PPP4R4: variants seen among roughly 807,000 people sequenced by gnomAD.
PPP4R4 encodes protein phosphatase 4 regulatory subunit 4.
PPP4R4 carries 70 observed loss-of-function variants against 121.8 expected under a neutral mutation model. The ratio of observed to expected loss-of-function variants is 0.57; its 90% CI spans 0.47 to 0.70. The LOEUF is 0.70. Among genes scored for constraint, PPP4R4 ranks in the 30% least tolerant of loss-of-function variants. The probability of loss-of-function intolerance (pLI) is 0.00; values close to 1 mark genes in which losing one functional copy is unlikely to be tolerated. For synonymous variants in PPP4R4, 348 were observed against 355.7 expected, an observed-to-expected ratio of 0.98 and a Z score of 0.24; for missense variants, 875 against 1,033.6, an observed-to-expected ratio of 0.85 and a Z score of 2.10.
At chr14:94,242,030 A>G (rs887007099) in intron 10 of PPP4R4, 73 bp downstream of exon 10, 10 of 1,401,226 alleles carry the variant, frequency 7.1e-6, no homozygotes, top group Non-Finnish European at 5.9e-6. Context: ...ATGGCATTCA[A>G]AATATTGCCA....
At position 94,245,704 on chromosome 14, in the gene PPP4R4, T is replaced by G. The variant is rs573173391; in HGVS notation, c.1428+34T>G. ...CATCTTTCAGAAACATTCTGAGTTG[T>G]GTAAATATTATCCTACTCTACAGGG... is the stretch of plus-strand genomic sequence containing the variant. On this transcript the variant is annotated intron_variant, in intron 13 of 24. Transcript: ENST00000304338. 8 of 1,447,988 alleles carry G rather than the reference T, an allele frequency of 5.5e-6. No homozygotes were observed. In the East Asian group the frequency reaches 1.8e-4, roughly 33 times the overall value. 89.7% of individuals were successfully genotyped at this position (1,447,988 alleles called of 1,614,324 possible). A position where few individuals can be genotyped will look rare whatever the true frequency, so the allele number is the denominator to read the frequency against.
chr14:94,269,408 G>A (rs747773385), intron 23 of PPP4R4, among the ~76,000 whole-genome samples: 7 of 152,096 alleles, frequency 4.6e-5, no homozygotes, highest in Non-Finnish European at 1.0e-4. Context: ...GGGCGCTGTG[G>A]CTCACGCCTG....
At chr14:94,259,838 T>C (rs1179298083) in intron 19 of PPP4R4, among the ~76,000 whole-genome samples, 2 of 152,228 alleles carry the variant, frequency 1.3e-5, no homozygotes, top group Admixed American at 6.5e-5. Flanking sequence ...TGCATCTTTC[T>C]ACCAACATAA....
chr14:94,266,434 A>G (rs1211505073), intron 22 of PPP4R4, among the ~76,000 whole-genome samples: 1 of 152,176 alleles, frequency 6.6e-6, no homozygotes, highest in Non-Finnish European at 1.5e-5. Flanking sequence ...TATATGTGCT[A>G]TACAAACTGC....
chr14:94,206,128 A>G (rs1399885192), intron 2 of PPP4R4, among the ~76,000 whole-genome samples: 3 of 150,430 alleles, frequency 2.0e-5, no homozygotes, highest in East Asian at 2.0e-4. Context: ...CAGTTTTTGC[A>G]TCACATATTT....
chr14:94,271,747 G>A (rs533391571), intron 23 of PPP4R4, among the ~76,000 whole-genome samples: 1 of 152,216 alleles, frequency 6.6e-6, no homozygotes, highest in South Asian at 2.1e-4. Context: ...AAATCCACAA[G>A]AATTGGCAAA....
intron 3 of PPP4R4, among the ~76,000 whole-genome samples, chr14:94,222,909 C>T (rs942871634): frequency 1.3e-5 from 2 of 151,938 alleles, no homozygotes; most frequent in African/African-American, 2.4e-5. Context: ...ATTTCCATGT[C>T]CTTTATCTTC....
In PPP4R4 at chr14:94,265,855, T is replaced by C. The variant is rs1322701316; in HGVS notation, c.2346T>C (p.His782=). 1.2e-6 allele frequency: 2 copies of C among 1,607,628 alleles called. No homozygotes were observed. Among genetic ancestry groups the C allele is most frequent in the Admixed American group, 1.7e-5 (1 of 59,506 alleles). Residue 782 remains histidine (H), a synonymous_variant, in exon 22 of 25, where the codon CAT becomes CAC. Coordinates refer to ENST00000304338, the MANE Select transcript of PPP4R4 (RefSeq NM_058237.2). ...AGTCTTTTAATAATCAAGCTTTTCATGCAAAATATGGCAACTTAGAGAAAT... is the reference window on the plus strand; with the variant it reads ...AGTCTTTTAATAATCAAGCTTTTCACGCAAAATATGGCAACTTAGAGAAAT... ...RSQSFNNQAF[H]AKYGNLEKCA... is the part of the protein sequence containing the mutation.
chr14:94,241,723 G>T, intron 9 of PPP4R4, 65 bp from the exon 10 acceptor site: 18 of 1,256,266 alleles, frequency 1.4e-5, no homozygotes, highest in Non-Finnish European at 1.9e-5. Flanking sequence ...ATTGTACTTT[G>T]ATTTTCCCTT....
At chr14:94,219,859 G>C (rs1164211082) in intron 3 of PPP4R4, among the ~76,000 whole-genome samples, 1 of 152,178 alleles carries the variant, frequency 6.6e-6, no homozygotes, top group African/African-American at 2.4e-5. Context: ...CTATTAGGAG[G>C]CTGAGGCTGG....
intron 3 of PPP4R4, among the ~76,000 whole-genome samples, chr14:94,214,250 G>A (rs11625726): frequency 0.019 from 2,918 of 152,248 alleles, 91 homozygotes; most frequent in African/African-American, 0.066. Context: ...AATTTGACAC[G>A]TACATGTAGA....
At chr14:94,235,052 C>G (rs1440266909) in intron 7 of PPP4R4, among the ~76,000 whole-genome samples, 1 of 152,172 alleles carries the variant, frequency 6.6e-6, no homozygotes, top group Non-Finnish European at 1.5e-5. Flanking sequence ...TGAGGATGCT[C>G]AAGTCTCTGA....
intron 1 of PPP4R4, 42 bp from the exon 2 acceptor site, chr14:94,176,012 C>T (rs1888661980): frequency 1.3e-6 from 2 of 1,509,336 alleles, no homozygotes; most frequent in Non-Finnish European, 1.8e-6. Context: ...CAAGACTGAA[C>T]CAATATTTGT....
chr14:94,195,705 A>T (rs1192425031), intron 2 of PPP4R4, among the ~76,000 whole-genome samples: 1 of 151,776 alleles, frequency 6.6e-6, no homozygotes, highest in Non-Finnish European at 1.5e-5. Context: ...CCATGAGTAG[A>T]GGGGAGGGGA....
chr14:94,277,931 G>A (rs995004344), intron 24 of PPP4R4, among the ~76,000 whole-genome samples: 1 of 152,140 alleles, frequency 6.6e-6, no homozygotes, highest in Non-Finnish European at 1.5e-5. Context: ...TTGTGACTGG[G>A]TATACAAGTT....
chr14:94,186,342 A>G (rs1232809608), intron 2 of PPP4R4, among the ~76,000 whole-genome samples: 3 of 152,314 alleles, frequency 2.0e-5, no homozygotes, highest in Non-Finnish European at 2.9e-5. Flanking sequence ...CTAGAATTTT[A>G]TAGAAATGGA....
intron 16 of PPP4R4, among the ~76,000 whole-genome samples, chr14:94,254,804 A>T (rs1177467087): frequency 6.6e-6 from 1 of 152,168 alleles, no homozygotes; most frequent in Non-Finnish European, 1.5e-5. Flanking sequence ...ATTTCCTCTG[A>T]AATGCCTCCT....
intron 2 of PPP4R4, among the ~76,000 whole-genome samples, chr14:94,200,347 G>A (rs1443309855): frequency 1.3e-5 from 2 of 151,998 alleles, no homozygotes; most frequent in African/African-American, 4.8e-5. Flanking sequence ...TTGCCTTATT[G>A]CACTGGCTCA....
At chr14:94,268,493 A>T (rs1894157150) in intron 23 of PPP4R4, among the ~76,000 whole-genome samples, 1 of 152,216 alleles carries the variant, frequency 6.6e-6, no homozygotes, top group African/African-American at 2.4e-5. Flanking sequence ...AAGAGAGTAG[A>T]TATGGTCCAC....
Sources: gnomAD v4.1 joint callset for allele counts (sites outside exome capture counted in the v4.1 genomes callset) on GRCh38, gnomAD v4.1.1 for gene constraint, MANE v1.5 for transcripts, NCBI Gene and HGNC (gene_info 2026-07-23, HGNC 2026-07-21) for gene names.